The following ENTREP2 variants were observed in gnomAD, a reference collection of about 807,000 sequenced individuals.
ENTREP2 encodes endosomal transmembrane epsin interactor 2.
the ENTREP2 span, among the ~76,000 whole-genome samples, chr15:29,337,967 CT>C: frequency 6.6e-6 from 1 of 152,090 alleles, no homozygotes; most frequent in South Asian, 2.1e-4. Flanking sequence ...GGTCATTTTT[CT>C]TATCTGTCAA....
the ENTREP2 span, among the ~76,000 whole-genome samples, chr15:29,399,532 C>T: frequency 3.2e-4 from 49 of 152,256 alleles, no homozygotes; most frequent in African/African-American, 1.1e-3. Context: ...TAAGAAAATT[C>T]AGTATGTTAC....
the ENTREP2 span, among the ~76,000 whole-genome samples, chr15:29,275,592 C>T: frequency 6.6e-6 from 1 of 152,194 alleles, no homozygotes; most frequent in African/African-American, 2.4e-5. Flanking sequence ...GCTAAGCTAG[C>T]TAAGATTTCA....
At chr15:29,454,450 C>A in the ENTREP2 span, among the ~76,000 whole-genome samples, 36 of 152,196 alleles carry the variant, frequency 2.4e-4, no homozygotes, top group Admixed American at 2.3e-3. Context: ...ATTATGACTT[C>A]CATTGCAAGT....
chr15:29,474,555 TTG>T, the ENTREP2 span, among the ~76,000 whole-genome samples: 4 of 151,686 alleles, frequency 2.6e-5, no homozygotes, highest in African/African-American at 9.7e-5. Context: ...ATTTCTGTTG[TTG>T]TTTTTTTTTC....
chr15:29,639,784 T>TTTTTTTC, the ENTREP2 span, among the ~76,000 whole-genome samples: 9 of 149,366 alleles, frequency 6.0e-5, no homozygotes, highest in African/African-American at 2.2e-4. Context: ...TTTTTTTTTT[T>TTTTTTTC]TGAGACGAAG....
the ENTREP2 span, among the ~76,000 whole-genome samples, chr15:29,437,082 G>A: frequency 7.9e-5 from 12 of 152,284 alleles, no homozygotes; most frequent in Admixed American, 3.3e-4. Context: ...TTAGTTATCC[G>A]AAACCAAAGT....
At chr15:29,609,079 G>A in the ENTREP2 span, among the ~76,000 whole-genome samples, 1 of 137,750 alleles carries the variant, frequency 7.3e-6, no homozygotes, top group South Asian at 2.3e-4. Context: ...AACTCTTGAG[G>A]CTGTTGGCCA....
chr15:29,233,904 A>G, the ENTREP2 span: 1 of 1,576,316 alleles, frequency 6.3e-7, no homozygotes, highest in Admixed American at 1.7e-5. Flanking sequence ...GAGGATGTAG[A>G]TGGCTGAAGA....
chr15:29,400,811 T>C, the ENTREP2 span, among the ~76,000 whole-genome samples: 4 of 152,248 alleles, frequency 2.6e-5, no homozygotes, highest in Admixed American at 6.5e-5. Context: ...CCTCTCTGCA[T>C]CTGCATTAGA....
chr15:29,486,049 T>G, the ENTREP2 span, among the ~76,000 whole-genome samples: 4 of 152,198 alleles, frequency 2.6e-5, no homozygotes, highest in African/African-American at 7.2e-5. Context: ...GTTGAAGAGA[T>G]ATCCATACTC....
At chr15:29,126,425 G>C in the ENTREP2 span, 2 of 1,549,924 alleles carry the variant, frequency 1.3e-6, no homozygotes, top group Non-Finnish European at 1.7e-6. Flanking sequence ...AGGGCCATCG[G>C]GGGATGGGCT....
chr15:29,497,514 A>C, the ENTREP2 span, among the ~76,000 whole-genome samples: 2 of 152,050 alleles, frequency 1.3e-5, no homozygotes, highest in East Asian at 3.9e-4. Context: ...TTCATGATTA[A>C]GTCTTTGTAG....
At chr15:29,132,366 C>T in the ENTREP2 span, among the ~76,000 whole-genome samples, 1 of 152,170 alleles carries the variant, frequency 6.6e-6, no homozygotes, top group Non-Finnish European at 1.5e-5. Flanking sequence ...TTGAAAAGTG[C>T]TCCCAGGCCA....
chr15:29,628,842 T>C, the ENTREP2 span, among the ~76,000 whole-genome samples: 1 of 152,098 alleles, frequency 6.6e-6, no homozygotes, highest in South Asian at 2.1e-4. Flanking sequence ...CTCTACCTCC[T>C]GGGTTTGAGT....
At chr15:29,617,993 G>A in the ENTREP2 span, among the ~76,000 whole-genome samples, 2 of 152,216 alleles carry the variant, frequency 1.3e-5, no homozygotes, top group African/African-American at 2.4e-5. Flanking sequence ...TCCTGACCAA[G>A]GTTGGGCTTC....
chr15:29,608,857 G>A, the ENTREP2 span, among the ~76,000 whole-genome samples: 28 of 150,752 alleles, frequency 1.9e-4, no homozygotes, highest in African/African-American at 5.4e-4. Context: ...TTGAGCCACC[G>A]TGCCTGGCCT....
chr15:29,589,965 T>G, the ENTREP2 span, among the ~76,000 whole-genome samples: 1 of 152,248 alleles, frequency 6.6e-6, no homozygotes, highest in African/African-American at 2.4e-5. Context: ...TTCAGAGGTC[T>G]TCAGCATCCT....
At chr15:29,623,261 G>T in the ENTREP2 span, among the ~76,000 whole-genome samples, 3 of 152,186 alleles carry the variant, frequency 2.0e-5, no homozygotes, top group East Asian at 5.8e-4. Context: ...GCGAGGAAAA[G>T]CTTGGCACCC....
At chr15:29,418,813 G>A in the ENTREP2 span, among the ~76,000 whole-genome samples, 2 of 152,214 alleles carry the variant, frequency 1.3e-5, no homozygotes. Context: ...ACAAGCAGCA[G>A]CCTGAGAACT....
Sources: allele counts gnomAD v4.1 joint callset (sites outside exome capture counted in the v4.1 genomes callset), GRCh38; gene constraint gnomAD v4.1.1; transcripts MANE v1.5; gene names NCBI Gene and HGNC (gene_info 2026-07-23, HGNC 2026-07-21).